SLC44A1: variants seen among roughly 807,000 people sequenced by gnomAD.
SLC44A1 encodes the protein choline transporter-like protein 1.
In SLC44A1, 26 loss-of-function variants were observed where a neutral mutation model predicts 79.3. The ratio of observed to expected loss-of-function variants is 0.33; its 90% CI spans 0.24 to 0.46. SLC44A1 has a LOEUF of 0.46. SLC44A1 is among the 20% of genes least tolerant of loss of function. SLC44A1 has a pLI of 1.00. For synonymous variants in SLC44A1, 263 were observed against 286.2 expected, an observed-to-expected ratio of 0.92 and a Z score of 0.82; for missense variants, 688 against 798.1, an observed-to-expected ratio of 0.86 and a Z score of 1.66.
intron 1 of SLC44A1, among the ~76,000 whole-genome samples, chr9:105,257,624 C>T (rs1012960518): frequency 2.0e-4 from 30 of 152,028 alleles, no homozygotes; most frequent in Admixed American, 1.2e-3. Flanking sequence ...GTTCAGGGGA[C>T]GGGGAAACCA....
intron 13 of SLC44A1, among the ~76,000 whole-genome samples, chr9:105,377,015 C>T (rs1828311816): frequency 6.6e-6 from 1 of 152,118 alleles, no homozygotes; most frequent in South Asian, 2.1e-4. Context: ...GTCCTTGGGC[C>T]TTTTTAAAAA....
intron 1 of SLC44A1, among the ~76,000 whole-genome samples, chr9:105,274,318 C>G (rs1350747733): frequency 6.6e-6 from 1 of 152,202 alleles, no homozygotes; most frequent in East Asian, 1.9e-4. Flanking sequence ...CTCATCTGGC[C>G]TTTGTCACTG....
intron 1 of SLC44A1, among the ~76,000 whole-genome samples, chr9:105,262,924 T>C (rs945890942): frequency 6.6e-6 from 1 of 152,206 alleles, no homozygotes; most frequent in Non-Finnish European, 1.5e-5. Context: ...AATGTAAATA[T>C]ATTTAAGACT....
intron 14 of SLC44A1, among the ~76,000 whole-genome samples, chr9:105,384,719 A>G (rs1180217065): frequency 1.3e-5 from 2 of 152,230 alleles, no homozygotes; most frequent in African/African-American, 4.8e-5. Context: ...AAAGCAGAGT[A>G]AAAAATAACT....
At chr9:105,359,416 T>C (rs10123494) in intron 7 of SLC44A1, among the ~76,000 whole-genome samples, 31,762 of 151,956 alleles carry the variant, frequency 0.21, 5,176 homozygotes, top group African/African-American at 0.46. Context: ...TAAAAAATTT[T>C]AGAATTGAAA....
intron 1 of SLC44A1, among the ~76,000 whole-genome samples, chr9:105,266,586 C>T (rs1312729842): frequency 1.3e-5 from 2 of 152,016 alleles, no homozygotes; most frequent in African/African-American, 2.4e-5. Flanking sequence ...CATTGAATTG[C>T]CTTTGTATCT....
chr9:105,244,728 G>T lies in SLC44A1; in HGVS notation c.-141G>T. ...TAGCCGCGCCGCCTCTTGAGTACCA[G>T]CCGCCGCTGCAGCCGCCGCCGCCGC... On this transcript the variant is annotated 5_prime_UTR_variant, in exon 1 of 16. Coordinates refer to ENST00000374720, the MANE Select transcript of SLC44A1 (RefSeq NM_080546.5). The T allele has an allele frequency of 2.7e-6, 1 of 364,072 alleles. No homozygotes were observed. The allele number at this position is 364,072 out of a possible 1,614,324, so 22.6% of individuals were successfully genotyped here.
At chr9:105,315,463 T>C (rs1392188594) in intron 3 of SLC44A1, among the ~76,000 whole-genome samples, 1 of 152,140 alleles carries the variant, frequency 6.6e-6, no homozygotes, top group Admixed American at 6.5e-5. Context: ...CTGATCACCT[T>C]CTTTAAAGTC....
intron 1 of SLC44A1, among the ~76,000 whole-genome samples, chr9:105,297,173 GT>G (rs1190980986): frequency 3.3e-5 from 5 of 152,108 alleles, no homozygotes; most frequent in African/African-American, 1.2e-4. Flanking sequence ...AACTGGTTGT[GT>G]TTTTTGTTTT....
chr9:105,363,760 C>T (rs1035528040), intron 9 of SLC44A1, among the ~76,000 whole-genome samples: 2 of 152,204 alleles, frequency 1.3e-5, no homozygotes, highest in African/African-American at 2.4e-5. Flanking sequence ...CCAGCGTGCC[C>T]AGCCCATATT....
chr9:105,261,128 C>T (rs796318266), intron 1 of SLC44A1, among the ~76,000 whole-genome samples: 1 of 152,212 alleles, frequency 6.6e-6, no homozygotes, highest in East Asian at 1.9e-4. Context: ...TTGAATTCTA[C>T]CTTGCTAGCA....
chr9:105,438,130 C>CTGTGTGTGTGTGTGTGTGTGTG lies in SLC44A1; in HGVS notation c.1951-149_1951-128dup, dbSNP rs147203232. The CTGTGTGTGTGTGTGTGTGTGTG allele has an allele frequency of 1.1e-3, 538 of 496,152 alleles. 1 individual carries two copies. The highest frequency in any genetic ancestry group is 0.01 in the African/African-American group (510 of 50,316). 30.7% of individuals were successfully genotyped at this position (496,152 alleles called of 1,614,324 possible). On this transcript the variant is annotated intron_variant, in intron 15 of 15. Coordinates refer to the SLC44A1 transcript ENST00000374724. ...CAGATATCTTTTTAAATTTGTTAAT[C>CTGTGTGTGTGTGTGTGTGTGTG]TGTGTGTGTGTGTGTGTGTGTGTAG...
intron 2 of SLC44A1, among the ~76,000 whole-genome samples, chr9:105,300,098 C>T (rs7021008): frequency 0.15 from 23,090 of 152,096 alleles, 2,449 homozygotes; most frequent in African/African-American, 0.3. Flanking sequence ...GTAGAAAGGA[C>T]ATGGAAATCC....
At chr9:105,360,214 A>C (rs1337701965) in intron 7 of SLC44A1, among the ~76,000 whole-genome samples, 1 of 152,150 alleles carries the variant, frequency 6.6e-6, no homozygotes, top group African/African-American at 2.4e-5. Flanking sequence ...AGTGTCATAG[A>C]TTGCTCTCTG....
intron 4 of SLC44A1, among the ~76,000 whole-genome samples, chr9:105,347,666 AT>A (rs996625648): frequency 2.2e-4 from 34 of 151,400 alleles, no homozygotes; most frequent in African/African-American, 7.0e-4. Context: ...AGAAAAATTA[AT>A]TTTTTTTTGC....
chr9:105,434,545 C>T (rs1311349060), intron 15 of SLC44A1, among the ~76,000 whole-genome samples: 1 of 152,112 alleles, frequency 6.6e-6, no homozygotes, highest in Admixed American at 6.6e-5. Context: ...ATAATAATTC[C>T]TTTACACCAT....
intron 1 of SLC44A1, among the ~76,000 whole-genome samples, chr9:105,267,549 T>C (rs1829989440): frequency 6.6e-6 from 1 of 152,228 alleles, no homozygotes; most frequent in East Asian, 1.9e-4. Flanking sequence ...CCTTTCAGTA[T>C]TTCTATTGTG....
At position 105,389,175 on chromosome 9, in the gene SLC44A1, G is replaced by A; in HGVS notation, c.*119G>A. ...TATGTATGTGTGTATATATGTATAT[G>A]TATATACACACACACACATAAATCA... On this transcript the variant is annotated 3_prime_UTR_variant, in exon 16 of 16. Coordinates refer to ENST00000374720, the MANE Select transcript of SLC44A1 (RefSeq NM_080546.5). 3 of 1,412,172 alleles carry A rather than the reference G, an allele frequency of 2.1e-6. No individual in the cohort carries two copies. In the South Asian group the frequency reaches 4.7e-5, roughly 22 times the overall value. 87.5% of individuals were successfully genotyped at this position (1,412,172 alleles called of 1,614,324 possible).
At chr9:105,426,324 C>G (rs7026355) in intron 15 of SLC44A1, among the ~76,000 whole-genome samples, 20 of 152,016 alleles carry the variant, frequency 1.3e-4, no homozygotes, top group Non-Finnish European at 2.8e-4. Flanking sequence ...CAATGTTTGA[C>G]CCTTGATTTA....
Sources: allele counts gnomAD v4.1 joint callset (sites outside exome capture counted in the v4.1 genomes callset), GRCh38; gene constraint gnomAD v4.1.1; transcripts MANE v1.5; gene names NCBI Gene and HGNC (gene_info 2026-07-23, HGNC 2026-07-21).